Variants in HNF4G observed in about 807,000 individuals in gnomAD.
HNF4G encodes the protein hepatocyte nuclear factor 4 gamma, also known as hepatocyte nuclear factor 4-gamma.
In HNF4G, 21 loss-of-function variants were observed where a neutral mutation model predicts 50.9. The observed-to-expected ratio is 0.41, with a 90% CI of 0.29 to 0.59. The LOEUF (loss-of-function observed/expected upper bound fraction) is 0.59. Among genes scored for constraint, HNF4G ranks in the 20% least tolerant of loss-of-function variants. HNF4G has a pLI of 0.26. For missense variants in HNF4G, 527 were observed against 559.4 expected, an observed-to-expected ratio of 0.94 and a Z score of 0.58; for synonymous variants, 198 against 185.6, an observed-to-expected ratio of 1.07 and a Z score of -0.54.
chr8:75,518,436 A>T (rs1585915666), intron 2 of HNF4G, among the ~76,000 whole-genome samples: 1 of 152,158 alleles, frequency 6.6e-6, no homozygotes, highest in East Asian at 1.9e-4. Context: ...TTCCTCAGGG[A>T]TCTAGAACTA....
chr8:75,440,530 A>G (rs1189380997), intron 1 of HNF4G, among the ~76,000 whole-genome samples: 2 of 152,242 alleles, frequency 1.3e-5, no homozygotes, highest in Non-Finnish European at 2.9e-5. Flanking sequence ...TGGCTAAAAA[A>G]CTAAATCAAA....
At chr8:75,425,481 T>A (rs1237282683) in intron 1 of HNF4G, among the ~76,000 whole-genome samples, 1 of 151,358 alleles carries the variant, frequency 6.6e-6, no homozygotes, top group African/African-American at 2.4e-5. Context: ...TTAACATATA[T>A]CCTTGTATTG....
intron 1 of HNF4G, among the ~76,000 whole-genome samples, chr8:75,421,253 C>T (rs1439450042): frequency 6.6e-6 from 1 of 152,186 alleles, no homozygotes; most frequent in African/African-American, 2.4e-5. Context: ...CTCACTTTCT[C>T]GCAGTCACAG....
chr8:75,488,449 T>C (rs1812545524), intron 1 of HNF4G, among the ~76,000 whole-genome samples: 2 of 151,932 alleles, frequency 1.3e-5, no homozygotes, highest in Non-Finnish European at 2.9e-5. Context: ...ATTTTTTTTT[T>C]GTATTTTTAG....
At chr8:75,534,264 A>G (rs1281524564) in intron 2 of HNF4G, among the ~76,000 whole-genome samples, 1 of 151,852 alleles carries the variant, frequency 6.6e-6, no homozygotes, top group African/African-American at 2.4e-5. Flanking sequence ...TTATATCCAC[A>G]CTTCAGTTTC....
At chr8:75,533,943 T>C (rs1327684358) in intron 2 of HNF4G, among the ~76,000 whole-genome samples, 1 of 151,944 alleles carries the variant, frequency 6.6e-6, no homozygotes, top group African/African-American at 2.4e-5. Context: ...TTCCAGATGC[T>C]AAAGTGTATG....
upstream of HNF4G, among the ~76,000 whole-genome samples, chr8:75,538,471 C>A (rs1431931058): frequency 6.6e-6 from 1 of 152,148 alleles, no homozygotes; most frequent in Admixed American, 6.5e-5. Flanking sequence ...TCAGTGACAT[C>A]CCTCTGTATT....
At chr8:75,496,558 G>A (rs1812772519) in intron 2 of HNF4G, among the ~76,000 whole-genome samples, 1 of 151,788 alleles carries the variant, frequency 6.6e-6, no homozygotes, top group Admixed American at 6.6e-5. Context: ...AACTTTCAGA[G>A]GGGATTTACT....
At chr8:75,537,775 A>G (rs759495295), upstream of HNF4G, among the ~76,000 whole-genome samples, 2 of 152,198 alleles carry the variant, frequency 1.3e-5, no homozygotes, top group Non-Finnish European at 2.9e-5. Flanking sequence ...AAAATTTAGT[A>G]AAGAACCCCA....
chr8:75,533,238 T>C (rs371955522), intron 2 of HNF4G, among the ~76,000 whole-genome samples: 1 of 151,984 alleles, frequency 6.6e-6, no homozygotes, highest in East Asian at 1.9e-4. Flanking sequence ...AAATAGAAAA[T>C]AGAAGGTCTT....
At chr8:75,479,511 G>A (rs541771601) in intron 1 of HNF4G, among the ~76,000 whole-genome samples, 1 of 151,306 alleles carries the variant, frequency 6.6e-6, no homozygotes, top group Admixed American at 6.6e-5. Flanking sequence ...AATATTCAGA[G>A]ATAAAACCAG....
At chr8:75,545,581 G>A (rs1806753165) in intron 2 of HNF4G, among the ~76,000 whole-genome samples, 1 of 152,094 alleles carries the variant, frequency 6.6e-6, no homozygotes, top group Non-Finnish European at 1.5e-5. Context: ...TTGAAGCTCA[G>A]GTTGTGCTGG....
At chr8:75,523,511 T>C (rs1357759959) in intron 2 of HNF4G, among the ~76,000 whole-genome samples, 1 of 152,138 alleles carries the variant, frequency 6.6e-6, no homozygotes. Context: ...TATAATAAAC[T>C]AATGTTTTCA....
chr8:75,500,835 G>T (rs371967823), intron 2 of HNF4G, among the ~76,000 whole-genome samples: 3 of 152,068 alleles, frequency 2.0e-5, no homozygotes, highest in Non-Finnish European at 4.4e-5. Context: ...AAAGAATATT[G>T]ATTAGTATTT....
chr8:75,482,882 C>T (rs921615347), intron 1 of HNF4G, among the ~76,000 whole-genome samples: 1 of 152,190 alleles, frequency 6.6e-6, no homozygotes, highest in African/African-American at 2.4e-5. Context: ...GTGTTTATAA[C>T]ATATTTACAC....
At chr8:75,435,543 A>T (rs765121515) in intron 1 of HNF4G, among the ~76,000 whole-genome samples, 3 of 152,200 alleles carry the variant, frequency 2.0e-5, no homozygotes, top group Non-Finnish European at 2.9e-5. Flanking sequence ...GACCCAGGGC[A>T]ATGGCAAGAG....
chr8:75,517,618 G>A (rs1040287988), intron 2 of HNF4G, among the ~76,000 whole-genome samples: 2 of 152,128 alleles, frequency 1.3e-5, no homozygotes, highest in Admixed American at 1.3e-4. Flanking sequence ...TCACATCCAG[G>A]TCACTCTTAT....
intron 1 of HNF4G, among the ~76,000 whole-genome samples, chr8:75,412,570 A>G (rs1008743476): frequency 2.0e-5 from 3 of 152,228 alleles, no homozygotes; most frequent in Admixed American, 2.0e-4. Flanking sequence ...ATTATTTAAT[A>G]GTAGGATATC....
intron 1 of HNF4G, among the ~76,000 whole-genome samples, chr8:75,449,532 AGTCTCACT>A (rs1811526957): frequency 8.0e-6 from 1 of 124,290 alleles, no homozygotes; most frequent in African/African-American, 3.2e-5. Context: ...TTTGAGACGG[AGTCTCACT>A]CTGTCGCCCA....
Sources: gnomAD v4.1 joint callset for allele counts (sites outside exome capture counted in the v4.1 genomes callset) on GRCh38, gnomAD v4.1.1 for gene constraint, MANE v1.5 for transcripts, NCBI Gene and HGNC (gene_info 2026-07-23, HGNC 2026-07-21) for gene names.